PLCB1: variants seen among roughly 807,000 people sequenced by gnomAD.
PLCB1 encodes 1-phosphatidylinositol 4,5-bisphosphate phosphodiesterase beta-1.
PLCB1 carries 46 observed loss-of-function variants against 161.8 expected under a neutral mutation model. That is an observed-to-expected ratio of 0.28 (90% CI 0.22 to 0.36). The LOEUF (loss-of-function observed/expected upper bound fraction) is 0.36. PLCB1 is among the 10% of genes least tolerant of loss of function. The pLI is 1.00. For missense variants in PLCB1, 1,016 were observed against 1,472.5 expected, an observed-to-expected ratio of 0.69 and a Z score of 5.07; for synonymous variants, 517 against 503.7, an observed-to-expected ratio of 1.03 and a Z score of -0.35.
intron 7 of PLCB1, chr20:8,651,892 A>C (rs777066446): frequency 1.1e-5 from 2 of 180,400 alleles, no homozygotes. Flanking sequence ...ATTCAAGCAT[A>C]AAGAGAAAAC....
chr20:8,590,703 G>A (rs1346415275), intron 3 of PLCB1, among the ~76,000 whole-genome samples: 2 of 152,098 alleles, frequency 1.3e-5, no homozygotes, highest in African/African-American at 4.8e-5. Flanking sequence ...GCAAGATTAG[G>A]CTGAGTCCTT....
At chr20:8,230,183 A>G (rs1018897588) in intron 2 of PLCB1, among the ~76,000 whole-genome samples, 1 of 151,758 alleles carries the variant, frequency 6.6e-6, no homozygotes, top group South Asian at 2.1e-4. Flanking sequence ...CTTTAAAAGT[A>G]GAAGCCCTAC....
At position 8,820,674 on chromosome 20, in the gene PLCB1, TGTGCCAGA is replaced by T. The variant is rs1283782096; in HGVS notation, c.3423+30417_3423+30424del. On this transcript the variant is annotated intron_variant, in intron 31 of 31. Coordinates refer to ENST00000338037, the MANE Select transcript of PLCB1 (RefSeq NM_015192.4). ...TGTAGCATATGTGTATCAGGAGCGT[TGTGCCAGA>T]GTGTTCATAGCAACACTCTCTGTAC... Among the ~76,000 whole-genome samples the T allele has an allele frequency of 3.3e-5, 5 of 152,126 alleles. No individual in the cohort carries two copies. In the East Asian group the frequency reaches 7.7e-4, roughly 23 times the overall value.
intron 2 of PLCB1, among the ~76,000 whole-genome samples, chr20:8,292,581 G>A (rs903759696): frequency 1.3e-5 from 2 of 152,112 alleles, no homozygotes; most frequent in African/African-American, 4.8e-5. Flanking sequence ...AAGGGTGCCT[G>A]GCACTTAGTA....
intron 31 of PLCB1, among the ~76,000 whole-genome samples, chr20:8,801,659 AAGT>A (rs1984286240): frequency 6.6e-6 from 1 of 152,192 alleles, no homozygotes; most frequent in African/African-American, 2.4e-5. Flanking sequence ...GCGGGGAGAA[AAGT>A]AGTGCCCTTA....
chr20:8,369,862 A>G (rs1986847949), intron 2 of PLCB1, among the ~76,000 whole-genome samples: 1 of 152,198 alleles, frequency 6.6e-6, no homozygotes, highest in Non-Finnish European at 1.5e-5. Context: ...GTGGGTTTGC[A>G]TTCGAGGAGT....
chr20:8,722,981 T>C lies in PLCB1; in HGVS notation c.1581+560T>C, dbSNP rs558969085. On this transcript the variant is annotated intron_variant, in intron 15 of 31. Coordinates refer to ENST00000338037, the MANE Select transcript of PLCB1 (RefSeq NM_015192.4). ...CTGCAGTGAGCTATGATCACACCAC[T>C]GTGCTCCAGCTTAGAAAACAGAGCA... Among the ~76,000 whole-genome samples the C allele has an allele frequency of 7.4e-4, 112 of 152,302 alleles. 1 individual carries two copies. The highest frequency in any genetic ancestry group is 2.5e-3 in the African/African-American group (104 of 41,570).
At chr20:8,688,374 A>G (rs1202892944) in intron 10 of PLCB1, among the ~76,000 whole-genome samples, 1 of 152,056 alleles carries the variant, frequency 6.6e-6, no homozygotes, top group Non-Finnish European at 1.5e-5. Context: ...GTTTTTATGC[A>G]ATTGCTTTTA....
intron 3 of PLCB1, among the ~76,000 whole-genome samples, chr20:8,388,489 A>G (rs1044192036): frequency 1.3e-5 from 2 of 152,224 alleles, no homozygotes; most frequent in East Asian, 1.9e-4. Flanking sequence ...AAAATTTGGT[A>G]TAGATATTTG....
At chr20:8,858,203 T>A (rs1381483450) in intron 31 of PLCB1, among the ~76,000 whole-genome samples, 1 of 152,196 alleles carries the variant, frequency 6.6e-6, no homozygotes, top group Non-Finnish European at 1.5e-5. Context: ...AACTAAATAC[T>A]GTTTCATTTG....
Position 8,540,577 on chromosome 20 carries a change from T to A in PLCB1, c.247-87717T>A, listed in dbSNP as rs569622059. Among the ~76,000 whole-genome samples the A allele has an allele frequency of 1.4e-3, 213 of 152,226 alleles. 2 individuals are homozygous for A. The highest frequency in any genetic ancestry group is 3.4e-3 in the Admixed American group (52 of 15,290). On this transcript the variant is annotated intron_variant, in intron 3 of 31. Coordinates refer to ENST00000338037, the MANE Select transcript of PLCB1 (RefSeq NM_015192.4). ...ACACAAACCTTCCTGCCAATTCACT[T>A]AGAGCAGCCAGACAACTCCCTCCCT...
chr20:8,527,304 T>C (rs1399343525), intron 3 of PLCB1, among the ~76,000 whole-genome samples: 1 of 152,126 alleles, frequency 6.6e-6, no homozygotes, highest in African/African-American at 2.4e-5. Flanking sequence ...TTGTTAAATA[T>C]GCTTCAGGTT....
At chr20:8,803,880 A>T (rs1461638898) in intron 31 of PLCB1, among the ~76,000 whole-genome samples, 1 of 151,410 alleles carries the variant, frequency 6.6e-6, no homozygotes, top group Non-Finnish European at 1.5e-5. Flanking sequence ...CACAACCTCC[A>T]CCTCCCGGGT....
intron 3 of PLCB1, among the ~76,000 whole-genome samples, chr20:8,553,012 A>G (rs150333853): frequency 1.3e-5 from 2 of 152,296 alleles, no homozygotes; most frequent in East Asian, 3.9e-4. Flanking sequence ...TCTTTGATAT[A>G]TTTGATGATG....
intron 3 of PLCB1, among the ~76,000 whole-genome samples, chr20:8,498,927 G>A (rs1406402602): frequency 1.3e-5 from 2 of 152,124 alleles, no homozygotes; most frequent in Admixed American, 6.6e-5. Context: ...AGTACAGCAC[G>A]GGTCATTAGT....
chr20:8,560,543 T>C (rs1177880126), intron 3 of PLCB1, among the ~76,000 whole-genome samples: 2 of 152,050 alleles, frequency 1.3e-5, no homozygotes, highest in African/African-American at 4.8e-5. Flanking sequence ...ACTAGTATTG[T>C]TGAAAAACGT....
intron 31 of PLCB1, among the ~76,000 whole-genome samples, chr20:8,846,205 G>T (rs1034204883): frequency 6.6e-6 from 1 of 152,066 alleles, no homozygotes; most frequent in Non-Finnish European, 1.5e-5. Flanking sequence ...GAGAATAAAG[G>T]GGGAGGTGCC....
At chr20:8,139,588 CA>C (rs1394864189) in intron 1 of PLCB1, among the ~76,000 whole-genome samples, 1 of 151,740 alleles carries the variant, frequency 6.6e-6, no homozygotes, top group East Asian at 1.9e-4. Context: ...TTAAAAAAAA[CA>C]TTTTTTTTGG....
chr20:8,661,329 A>G (rs1476347506), intron 9 of PLCB1, among the ~76,000 whole-genome samples: 2 of 152,110 alleles, frequency 1.3e-5, no homozygotes, highest in Admixed American at 6.6e-5. Context: ...CTGTACAGAA[A>G]AATTTTGGCT....
Sources: allele counts gnomAD v4.1 joint callset (sites outside exome capture counted in the v4.1 genomes callset), GRCh38; gene constraint gnomAD v4.1.1; transcripts MANE v1.5; gene names NCBI Gene and HGNC (gene_info 2026-07-23, HGNC 2026-07-21).